The following MCC variants were observed in gnomAD, a reference collection of about 807,000 sequenced individuals.
MCC encodes the protein MCC regulator of Wnt signaling pathway.
Under a neutral mutation model 116.2 loss-of-function variants are expected in MCC, and 90 were observed. That is an observed-to-expected ratio of 0.77 (90% CI 0.65 to 0.92). The LOEUF (loss-of-function observed/expected upper bound fraction) is 0.92. MCC is among the 40% of genes least tolerant of loss of function. MCC has a pLI of 0.00. For missense variants in MCC, 1,516 were observed against 1,312.2 expected (o/e 1.16, Z -2.40); for synonymous variants, 578 against 510.5 (o/e 1.13, Z -1.78).
chr5:113,219,809 A>G (rs919414932), intron 3 of MCC, among the ~76,000 whole-genome samples: 1 of 152,130 alleles, frequency 6.6e-6, no homozygotes, highest in Admixed American at 6.5e-5. Flanking sequence ...ATTCCTCTTC[A>G]TCCAGTCCAA....
intron 3 of MCC, among the ~76,000 whole-genome samples, chr5:113,198,617 T>G (rs1441977617): frequency 6.8e-6 from 1 of 147,556 alleles, no homozygotes; most frequent in African/African-American, 2.5e-5. Context: ...GGCAGGAGGA[T>G]CTCTTGAGCC....
At chr5:113,405,159 T>G (rs936701437) in intron 1 of MCC, among the ~76,000 whole-genome samples, 1 of 152,228 alleles carries the variant, frequency 6.6e-6, no homozygotes, top group Non-Finnish European at 1.5e-5. Context: ...GAACTTAGCT[T>G]TGGCATCCAG....
At chr5:113,122,082 T>G (rs183543941) in intron 6 of MCC, among the ~76,000 whole-genome samples, 2 of 152,266 alleles carry the variant, frequency 1.3e-5, no homozygotes, top group African/African-American at 4.8e-5. Flanking sequence ...TTAAAAATAC[T>G]TTTTCATGTA....
intron 1 of MCC, among the ~76,000 whole-genome samples, chr5:113,474,332 T>C (rs755512403): frequency 4.6e-5 from 7 of 152,038 alleles, no homozygotes; most frequent in Non-Finnish European, 7.4e-5. Context: ...AGGAGCTATA[T>C]GGAAACAGCC....
chr5:113,139,059 A>T (rs1481087833), intron 5 of MCC, among the ~76,000 whole-genome samples: 4 of 152,148 alleles, frequency 2.6e-5, no homozygotes, highest in Non-Finnish European at 4.4e-5. Flanking sequence ...TCAGTTCTAG[A>T]GATCTCAAGC....
chr5:113,191,902 A>T (rs13153785), intron 3 of MCC, among the ~76,000 whole-genome samples: 112,840 of 152,046 alleles, frequency 0.74, 42,653 homozygotes, highest in East Asian at 0.89. Flanking sequence ...TCAACAGAAA[A>T]TTCTCAAGAA....
chr5:113,382,983 T>C (rs1388878567), intron 2 of MCC, among the ~76,000 whole-genome samples: 1 of 152,180 alleles, frequency 6.6e-6, no homozygotes, highest in Non-Finnish European at 1.5e-5. Flanking sequence ...CCCAAGGGTA[T>C]AAGGTTATAT....
At chr5:113,124,973 T>C (rs1038650440) in intron 5 of MCC, among the ~76,000 whole-genome samples, 1 of 152,184 alleles carries the variant, frequency 6.6e-6, no homozygotes, top group Admixed American at 6.6e-5. Flanking sequence ...AGGACCTAAT[T>C]TCAGTTACGT....
intron 3 of MCC, among the ~76,000 whole-genome samples, chr5:113,304,745 G>A (rs1766942826): frequency 1.3e-5 from 2 of 151,980 alleles, no homozygotes; most frequent in Admixed American, 1.3e-4. Flanking sequence ...GGAGATTAGA[G>A]ATTTGGAAAT....
chr5:113,036,999 T>C (rs1357761968), intron 17 of MCC, among the ~76,000 whole-genome samples: 2 of 152,224 alleles, frequency 1.3e-5, no homozygotes, highest in Admixed American at 1.3e-4. Context: ...CATTGCTTGA[T>C]TGCTTTTATA....
chr5:113,227,289 A>T (rs536127498), intron 3 of MCC, among the ~76,000 whole-genome samples: 7 of 152,042 alleles, frequency 4.6e-5, no homozygotes, highest in Non-Finnish European at 1.5e-5. Context: ...TCTTCAAAGA[A>T]TACGTTTCAC....
chr5:113,156,261 A>G (rs1306996373), intron 3 of MCC, among the ~76,000 whole-genome samples: 4 of 152,258 alleles, frequency 2.6e-5, no homozygotes, highest in Admixed American at 6.5e-5. Context: ...AGAATCAGAT[A>G]AAGCTGGGTT....
At chr5:113,390,813 A>C (rs1561548597) in intron 1 of MCC, among the ~76,000 whole-genome samples, 2 of 152,154 alleles carry the variant, frequency 1.3e-5, no homozygotes. Context: ...GAAATTCTCA[A>C]CTAACAGAGA....
chr5:113,486,539 G>A (rs1475032536), intron 1 of MCC, among the ~76,000 whole-genome samples: 1 of 152,208 alleles, frequency 6.6e-6, no homozygotes, highest in Non-Finnish European at 1.5e-5. Context: ...TTGCCCGTGT[G>A]AAATTAAACT....
intron 5 of MCC, among the ~76,000 whole-genome samples, chr5:113,137,387 C>A (rs1758903795): frequency 6.6e-6 from 1 of 152,060 alleles, no homozygotes; most frequent in African/African-American, 2.4e-5. Context: ...CCTTTTGTAT[C>A]CATTTTAGGG....
rs555635221 is a variant in MCC at position 113,336,288 on chromosome 5, G to A, written c.627+4231C>T. Among the ~76,000 whole-genome samples the A allele has an allele frequency of 3.0e-4, 45 of 151,774 alleles. 1 individual carries two copies. Among genetic ancestry groups the A allele is most frequent in the African/African-American group, 1.1e-3 (44 of 41,072 alleles). Reference sequence around the variant, plus strand: ...GAAAACAAACCATAGCAGGCACTATGCACCTTGTCCACTTGCACACATTAT... The same window carrying A: ...GAAAACAAACCATAGCAGGCACTATACACCTTGTCCACTTGCACACATTAT... On this transcript the variant is annotated intron_variant, in intron 3 of 18. Transcript: ENST00000408903.
chr5:113,135,451 C>T (rs1318109149), intron 5 of MCC, among the ~76,000 whole-genome samples: 3 of 147,052 alleles, frequency 2.0e-5, no homozygotes, highest in South Asian at 4.4e-4. Context: ...CCCAGCTACT[C>T]GGGAGGCTGA....
chr5:113,104,917 T>C (rs372851971), intron 6 of MCC, among the ~76,000 whole-genome samples: 24 of 152,354 alleles, frequency 1.6e-4, no homozygotes, highest in East Asian at 1.2e-3. Context: ...AAATAAACTG[T>C]TCTAACAAAT....
chr5:113,209,114 G>A (rs749780162), intron 3 of MCC, among the ~76,000 whole-genome samples: 2 of 152,264 alleles, frequency 1.3e-5, no homozygotes, highest in South Asian at 2.1e-4. Context: ...GTCCAACAGA[G>A]TGAGATTATA....
Sources: allele counts gnomAD v4.1 joint callset (sites outside exome capture counted in the v4.1 genomes callset), GRCh38; gene constraint gnomAD v4.1.1; transcripts MANE v1.5; gene names NCBI Gene and HGNC (gene_info 2026-07-23, HGNC 2026-07-21).